Variants in TSHZ2 observed in about 807,000 individuals in gnomAD.
The protein encoded by TSHZ2 is teashirt zinc finger homeobox 2, also known as teashirt homolog 2.
TSHZ2 carries 21 observed loss-of-function variants against 74.4 expected under a neutral mutation model. The observed-to-expected ratio is 0.28, with a 90% CI of 0.20 to 0.41. The LOEUF (loss-of-function observed/expected upper bound fraction) is 0.41, where lower values mean the gene tolerates loss of function less well. Ranked by LOEUF, TSHZ2 falls within the 10% of genes least tolerant of loss-of-function variation. The pLI is 1.00. For missense variants in TSHZ2, 1,244 were observed against 1,293.5 expected (o/e 0.96, Z 0.59); for synonymous variants, 540 against 515.3 (o/e 1.05, Z -0.65).
At chr20:53,459,181 T>C (rs997492483) in intron 2 of TSHZ2, among the ~76,000 whole-genome samples, 2 of 152,174 alleles carry the variant, frequency 1.3e-5, no homozygotes, top group Non-Finnish European at 2.9e-5. Context: ...ATTATTAACG[T>C]GTGGGAGTCT....
intron 2 of TSHZ2, among the ~76,000 whole-genome samples, chr20:53,434,753 T>G (rs1373205119): frequency 6.6e-6 from 1 of 152,246 alleles, no homozygotes; most frequent in Non-Finnish European, 1.5e-5. Flanking sequence ...GTGGGCATTG[T>G]TGAGGTCTCT....
intron 2 of TSHZ2, among the ~76,000 whole-genome samples, chr20:53,412,403 T>C (rs1010978090): frequency 6.6e-6 from 1 of 152,260 alleles, no homozygotes; most frequent in Non-Finnish European, 1.5e-5. Flanking sequence ...TTGGTTTTGT[T>C]TTTATTGTGG....
chr20:53,407,729 A>G (rs1490306699), intron 2 of TSHZ2, among the ~76,000 whole-genome samples: 1 of 152,222 alleles, frequency 6.6e-6, no homozygotes, highest in African/African-American at 2.4e-5. Flanking sequence ...ATTAGAACAC[A>G]ACCATGGCCT....
chr20:53,255,654 G>A lies in TSHZ2; in HGVS notation c.2196G>A (p.Ser732=), dbSNP rs373073904. ...GCACAATTTCCATGTTCCACAAGTC[G>A]AATCTCAATGTCATGGACAAGCCGG... The part of the protein sequence containing the change: ...SSSTISMFHK[S]NLNVMDKPVL... Residue 732 remains serine, a synonymous_variant, in exon 2 of 3, where the codon TCG becomes TCA. Transcript: ENST00000371497. The surrounding 1 kb of genome is among the most constrained non-coding windows in gnomAD (Gnocchi z 4.1). 41 of 1,574,300 alleles carry A rather than the reference G, an allele frequency of 2.6e-5. No homozygotes were observed. The highest frequency in any genetic ancestry group is 2.3e-4 in the South Asian group (19 of 83,572).
chr20:53,479,169 T>TAAA (rs71194483), intron 2 of TSHZ2, among the ~76,000 whole-genome samples: 1 of 126,254 alleles, frequency 7.9e-6, no homozygotes, highest in African/African-American at 2.8e-5. Context: ...TGTCTCAATT[T>TAAA]AAAAAAAAAA....
At chr20:53,154,698 C>G (rs116705297) in intron 1 of TSHZ2, among the ~76,000 whole-genome samples, 184 of 152,258 alleles carry the variant, frequency 1.2e-3, no homozygotes, top group African/African-American at 4.4e-3. Context: ...CACACACTTC[C>G]CGTATGATTC....
chr20:53,376,107 A>T (rs1174573925), intron 2 of TSHZ2, among the ~76,000 whole-genome samples: 7 of 152,214 alleles, frequency 4.6e-5, no homozygotes, highest in Admixed American at 3.3e-4. Context: ...GAAGTTAGCC[A>T]AGTGAGAAGA....
At chr20:53,171,239 T>C (rs1302719381) in intron 1 of TSHZ2, among the ~76,000 whole-genome samples, 1 of 152,238 alleles carries the variant, frequency 6.6e-6, no homozygotes, top group African/African-American at 2.4e-5. Context: ...GAATTAAATG[T>C]TCCCGTATGT....
At chr20:53,052,755 A>G (rs942313896) in intron 1 of TSHZ2, among the ~76,000 whole-genome samples, 9 of 152,204 alleles carry the variant, frequency 5.9e-5, no homozygotes, top group Non-Finnish European at 1.3e-4. Context: ...TACTACAAAT[A>G]CAGTATACAA....
intron 1 of TSHZ2, among the ~76,000 whole-genome samples, chr20:52,974,002 C>T (rs1462106530): frequency 6.6e-6 from 1 of 152,182 alleles, no homozygotes; most frequent in Non-Finnish European, 1.5e-5. Flanking sequence ...TCTGGATTTT[C>T]TTTGCCTAGA....
At chr20:53,335,618 C>G (rs1473973055) in intron 2 of TSHZ2, among the ~76,000 whole-genome samples, 1 of 152,162 alleles carries the variant, frequency 6.6e-6, no homozygotes, top group Admixed American at 6.5e-5. Context: ...CATTCGTTTG[C>G]AAGTGTGACA....
intron 1 of TSHZ2, among the ~76,000 whole-genome samples, chr20:53,098,144 A>T (rs1313514212): frequency 1.3e-5 from 2 of 152,202 alleles, no homozygotes; most frequent in Non-Finnish European, 2.9e-5. Flanking sequence ...GGTTACGAGC[A>T]TAGCATTTGG....
At chr20:53,102,496 G>C (rs946941571) in intron 1 of TSHZ2, among the ~76,000 whole-genome samples, 1 of 148,930 alleles carries the variant, frequency 6.7e-6, no homozygotes, top group Admixed American at 6.8e-5. Flanking sequence ...GAGGGGAGAG[G>C]AAGGAAGAAG....
chr20:53,077,099 G>A (rs1474612810), intron 1 of TSHZ2, among the ~76,000 whole-genome samples: 1 of 152,146 alleles, frequency 6.6e-6, no homozygotes, highest in Admixed American at 6.5e-5. Flanking sequence ...TATGAGCTTA[G>A]CAGAGATGAG....
intron 2 of TSHZ2, among the ~76,000 whole-genome samples, chr20:53,370,391 T>A (rs574982254): frequency 6.6e-6 from 1 of 152,218 alleles, no homozygotes; most frequent in East Asian, 1.9e-4. Flanking sequence ...CGCCTCAAAT[T>A]TTTCAAAAAG....
chr20:53,350,580 A>G (rs1023548351), intron 2 of TSHZ2, among the ~76,000 whole-genome samples: 1 of 152,202 alleles, frequency 6.6e-6, no homozygotes, highest in African/African-American at 2.4e-5. Flanking sequence ...TTAAGATAGC[A>G]CAGTCCTCCA....
chr20:53,126,800 C>T (rs937525726), intron 1 of TSHZ2, among the ~76,000 whole-genome samples: 2 of 149,842 alleles, frequency 1.3e-5, no homozygotes, highest in African/African-American at 4.9e-5. Context: ...ACAAGCACCC[C>T]GAGGATCTGA....
chr20:53,424,119 G>A (rs1362027300), intron 2 of TSHZ2, among the ~76,000 whole-genome samples: 1 of 152,260 alleles, frequency 6.6e-6, no homozygotes, highest in Non-Finnish European at 1.5e-5. Flanking sequence ...TTTCTCAGCA[G>A]TACTGACATT....
At chr20:53,304,980 G>A (rs936689373) in intron 2 of TSHZ2, among the ~76,000 whole-genome samples, 1 of 147,094 alleles carries the variant, frequency 6.8e-6, no homozygotes, top group African/African-American at 2.5e-5. Flanking sequence ...CTGTCGCCCA[G>A]GCTGAAGTGC....
Sources: gnomAD v4.1 joint callset for allele counts (sites outside exome capture counted in the v4.1 genomes callset) on GRCh38, gnomAD v4.1.1 for gene constraint, Gnocchi (gnomAD v3.1) non-coding constraint, MANE v1.5 for transcripts, NCBI Gene and HGNC (gene_info 2026-07-23, HGNC 2026-07-21) for gene names.